The following BCL2L13 variants were observed in gnomAD, a reference collection of about 807,000 sequenced individuals.
The protein encoded by BCL2L13 is BCL2 like 13.
Under a neutral mutation model 25.8 loss-of-function variants are expected in BCL2L13, and 13 were observed. The observed-to-expected ratio is 0.50, with a 90% CI of 0.33 to 0.80. The LOEUF (loss-of-function observed/expected upper bound fraction) is 0.80. Ranked by LOEUF, BCL2L13 falls within the 30% of genes least tolerant of loss-of-function variation. BCL2L13 has a pLI of 0.02. For synonymous variants in BCL2L13, 244 were observed against 230.3 expected, an observed-to-expected ratio of 1.06 and a Z score of -0.54; for missense variants, 504 against 574.9, an observed-to-expected ratio of 0.88 and a Z score of 1.26.
intron 6 of BCL2L13, among the ~76,000 whole-genome samples, chr22:17,721,164 C>T (rs1439603052): frequency 6.6e-5 from 7 of 106,668 alleles, no homozygotes; most frequent in East Asian, 5.7e-4. Context: ...GGCGAGACTC[C>T]GTCTCAAAAA....
At chr22:17,629,820 C>CAT (rs2057968406) in intron 1 of BCL2L13, among the ~76,000 whole-genome samples, 1 of 106,116 alleles carries the variant, frequency 9.4e-6, no homozygotes, top group South Asian at 3.5e-4. Context: ...TATTTTCATA[C>CAT]ACACACACAC....
chr22:17,683,326 G>T lies in BCL2L13; in HGVS notation c.229+5G>T, dbSNP rs2059811499. ...TGGACAAAGAAATTTCTGAAGGTCT[G>T]TTTATTCTTATTTTTCTAGTTAATA... is the stretch of plus-strand genomic sequence containing the variant. On this transcript the variant is annotated splice_donor_5th_base_variant and intron_variant, in intron 3 of 6. Coordinates refer to ENST00000317582, the MANE Select transcript of BCL2L13 (RefSeq NM_015367.4). The T allele has an allele frequency of 6.8e-7, 1 of 1,469,916 alleles. No homozygotes were observed. 91.1% of individuals were successfully genotyped at this position (1,469,916 alleles called of 1,614,324 possible). A position where few individuals can be genotyped will look rare whatever the true frequency, so the allele number is the denominator to read the frequency against.
At chr22:17,706,038 G>A (rs1249689796) in intron 6 of BCL2L13, among the ~76,000 whole-genome samples, 2 of 152,202 alleles carry the variant, frequency 1.3e-5, no homozygotes, top group African/African-American at 2.4e-5. Context: ...CTTAGAAACA[G>A]GGTCTTGCTT....
At chr22:17,723,636 A>G (rs1259525001) in intron 6 of BCL2L13, among the ~76,000 whole-genome samples, 1 of 152,178 alleles carries the variant, frequency 6.6e-6, no homozygotes, top group Non-Finnish European at 1.5e-5. Flanking sequence ...TCTAAGCACT[A>G]TAAATACTAT....
At chr22:17,705,277 C>CA (rs769715514) in intron 6 of BCL2L13, among the ~76,000 whole-genome samples, 4 of 150,208 alleles carry the variant, frequency 2.7e-5, no homozygotes, top group Non-Finnish European at 4.4e-5. Flanking sequence ...CTGTATCAAA[C>CA]AAACAAAAAC....
rs149946472 is a variant in BCL2L13 at position 17,694,098 on chromosome 22, G to A, written c.387-2043G>A. ...TGTTTGTTAATACTTTGCCCAAAAGGAGGGAAGGTAAATTTTTAATCTATT... is the reference window on the plus strand; with the variant it reads ...TGTTTGTTAATACTTTGCCCAAAAGAAGGGAAGGTAAATTTTTAATCTATT... On this transcript the variant is annotated intron_variant, in intron 4 of 6. Transcript: ENST00000317582. Among the ~76,000 whole-genome samples, 464 of 152,160 alleles carry A rather than the reference G, an allele frequency of 3.0e-3. 5 individuals are homozygous for A. Among genetic ancestry groups the A allele is most frequent in the African/African-American group, 0.01 (429 of 41,536 alleles).
chr22:17,709,630 G>A (rs372470272), intron 6 of BCL2L13, among the ~76,000 whole-genome samples: 312 of 151,896 alleles, frequency 2.1e-3, no homozygotes, highest in Non-Finnish European at 2.6e-3. Flanking sequence ...ATAAAAAATA[G>A]AAAGATTAGC....
chr22:17,706,899 A>G, intron 6 of BCL2L13: 1 of 1,180,302 alleles, frequency 8.5e-7, no homozygotes, highest in Non-Finnish European at 1.2e-6. Flanking sequence ...TTTAGATTCC[A>G]TAAAAGATTA....
At position 17,655,782 on chromosome 22, in the gene BCL2L13, G is replaced by A; in HGVS notation, c.71G>A (p.Gly24Glu). Residue 24 changes from glycine to glutamate, a missense_variant, in exon 2 of 7, where the codon GGA becomes GAA. Gly to Glu is a moderately conservative substitution (Grantham distance 98). Coordinates refer to ENST00000317582, the MANE Select transcript of BCL2L13 (RefSeq NM_015367.4). ...AAGTATGTTGTTCTCAGCTACTTGG[G>A]ACTCCTCTCTCAAGAGAAGCTGCAA... is the stretch of plus-strand genomic sequence containing the variant. ...ETKYVVLSYLGLLSQEKLQEQ... is the reference protein window; with the variant it reads ...ETKYVVLSYLELLSQEKLQEQ... The A allele has an allele frequency of 6.2e-7, 1 of 1,613,526 alleles. No individual in the cohort carries two copies. Among genetic ancestry groups the A allele is most frequent in the Non-Finnish European group, 8.5e-7 (1 of 1,179,780 alleles).
intron 1 of BCL2L13, among the ~76,000 whole-genome samples, chr22:17,645,218 T>G (rs2058430827): frequency 1.4e-5 from 2 of 139,076 alleles, no homozygotes; most frequent in Admixed American, 8.1e-5. Flanking sequence ...TAAGAACTAA[T>G]AGTAGGATTT....
At chr22:17,690,128 C>T (rs1279380027) in intron 4 of BCL2L13, among the ~76,000 whole-genome samples, 1 of 152,086 alleles carries the variant, frequency 6.6e-6, no homozygotes, top group South Asian at 2.1e-4. Context: ...GAGTTGGAGA[C>T]CAGCCTGGCC....
intron 6 of BCL2L13, among the ~76,000 whole-genome samples, chr22:17,715,122 T>TATATATA (rs2060877693): frequency 1.9e-5 from 1 of 52,982 alleles, no homozygotes; most frequent in Non-Finnish European, 3.4e-5. Flanking sequence ...AGTGTTAATT[T>TATATATA]TATATATATA....
At chr22:17,629,617 C>A (rs533259378) in intron 1 of BCL2L13, among the ~76,000 whole-genome samples, 1 of 152,206 alleles carries the variant, frequency 6.6e-6, no homozygotes, top group South Asian at 2.1e-4. Flanking sequence ...TAGACTGACT[C>A]CTAATAGTAG....
At chr22:17,634,365 T>G (rs1179115476), upstream of BCL2L13, among the ~76,000 whole-genome samples, 1 of 152,112 alleles carries the variant, frequency 6.6e-6, no homozygotes, top group Non-Finnish European at 1.5e-5. Context: ...TTTTGTATTT[T>G]TAGTAGAGAC....
At chr22:17,636,462 A>G (rs2058108383), upstream of BCL2L13, among the ~76,000 whole-genome samples, 1 of 152,016 alleles carries the variant, frequency 6.6e-6, no homozygotes. Context: ...ACTGCACTCC[A>G]GGCTGGGTAA....
At chr22:17,720,827 T>G (rs2061100830) in intron 6 of BCL2L13, among the ~76,000 whole-genome samples, 1 of 151,978 alleles carries the variant, frequency 6.6e-6, no homozygotes, top group South Asian at 2.1e-4. Flanking sequence ...ATGTGAATTT[T>G]ATGAATATGA....
At chr22:17,629,510 C>A (rs865844572) in intron 1 of BCL2L13, among the ~76,000 whole-genome samples, 1 of 152,100 alleles carries the variant, frequency 6.6e-6, no homozygotes, top group African/African-American at 2.4e-5. Context: ...AGAAATCCCC[C>A]CAGGCTCATT....
At chr22:17,680,109 G>A (rs958282370) in intron 2 of BCL2L13, among the ~76,000 whole-genome samples, 1 of 151,580 alleles carries the variant, frequency 6.6e-6, no homozygotes, top group African/African-American at 2.4e-5. Context: ...AGCTACTCGG[G>A]AGGGTGAGGC....
intron 2 of BCL2L13, among the ~76,000 whole-genome samples, chr22:17,668,018 CT>C (rs199755262): frequency 2.0e-3 from 90 of 45,856 alleles, no homozygotes; most frequent in Non-Finnish European, 2.8e-3. Flanking sequence ...GTTGCCTATT[CT>C]TTTTTTTTTT....
Sources: allele counts gnomAD v4.1 joint callset (sites outside exome capture counted in the v4.1 genomes callset), GRCh38; gene constraint gnomAD v4.1.1; transcripts MANE v1.5; gene names NCBI Gene and HGNC (gene_info 2026-07-23, HGNC 2026-07-21).